NKAIN3: variants seen among roughly 807,000 people sequenced by gnomAD.
NKAIN3 encodes sodium/potassium-transporting ATPase subunit beta-1-interacting protein 3.
NKAIN3 carries 25 observed loss-of-function variants against 30.2 expected under a neutral mutation model. The observed-to-expected ratio is 0.83, with a 90% confidence interval of 0.60 to 1.16. The LOEUF is 1.16. Ranked by LOEUF, NKAIN3 falls within the 50% of genes most tolerant of loss-of-function variation. The probability of loss-of-function intolerance (pLI) is 0.00; values close to 1 mark genes in which losing one functional copy is unlikely to be tolerated. For missense variants in NKAIN3, 225 were observed against 254.1 expected, an observed-to-expected ratio of 0.89 and a Z score of 0.78; for synonymous variants, 91 against 89.6, an observed-to-expected ratio of 1.02 and a Z score of -0.09.
At chr8:62,749,453 G>A (rs537640997) in intron 4 of NKAIN3, among the ~76,000 whole-genome samples, 17 of 152,260 alleles carry the variant, frequency 1.1e-4, no homozygotes, top group African/African-American at 4.1e-4. Flanking sequence ...CAGCCTTTGA[G>A]AAATAAAAGA....
At chr8:62,932,146 A>G (rs1297234676) in intron 5 of NKAIN3, among the ~76,000 whole-genome samples, 1 of 152,238 alleles carries the variant, frequency 6.6e-6, no homozygotes, top group Non-Finnish European at 1.5e-5. Context: ...AGTCCTTAAA[A>G]TATTGTCCTA....
In NKAIN3 at chr8:62,671,721, A is replaced by G. The variant is rs189680210; in HGVS notation, c.274-75211A>G. Reference sequence around the variant, plus strand: ...CAGGCATAGTTTGATTCTTGGGACTAAATTATTACTGGGGTTCTGTCTCTG... The same window carrying G: ...CAGGCATAGTTTGATTCTTGGGACTGAATTATTACTGGGGTTCTGTCTCTG... On this transcript the variant is annotated intron_variant, in intron 3 of 6. Transcript: ENST00000623646. Among the ~76,000 whole-genome samples the G allele has an allele frequency of 2.5e-3, 374 of 152,164 alleles. 2 individuals carry two copies. The highest frequency in any genetic ancestry group is 8.2e-3 in the African/African-American group (339 of 41,528).
chr8:62,406,922 A>G (rs1363019764), intron 1 of NKAIN3, among the ~76,000 whole-genome samples: 3 of 151,952 alleles, frequency 2.0e-5, no homozygotes, highest in Non-Finnish European at 4.4e-5. Flanking sequence ...CAATGTTTCA[A>G]TTTGTTTCAG....
intron 3 of NKAIN3, among the ~76,000 whole-genome samples, chr8:62,621,397 A>G (rs901029622): frequency 2.6e-5 from 4 of 152,076 alleles, no homozygotes; most frequent in Admixed American, 2.6e-4. Context: ...AAATACATTT[A>G]ATTGTTAAGA....
At chr8:62,534,420 G>A (rs973789817) in intron 1 of NKAIN3, among the ~76,000 whole-genome samples, 9 of 152,094 alleles carry the variant, frequency 5.9e-5, no homozygotes, top group Admixed American at 1.3e-4. Context: ...GCCGAACCAC[G>A]AAATCATACC....
intron 1 of NKAIN3, among the ~76,000 whole-genome samples, chr8:62,353,513 G>C (rs1816246646): frequency 2.0e-5 from 3 of 152,060 alleles, no homozygotes; most frequent in African/African-American, 7.2e-5. Context: ...ACAAATATTT[G>C]TTAATGTATG....
chr8:62,438,313 C>G (rs77103556), intron 1 of NKAIN3, among the ~76,000 whole-genome samples: 1,675 of 152,296 alleles, frequency 0.011, 30 homozygotes, highest in African/African-American at 0.038. Context: ...TCTTTGCTTT[C>G]TCTTTGTTTA....
At chr8:62,959,387 G>T (rs968795133) in intron 6 of NKAIN3, among the ~76,000 whole-genome samples, 2 of 150,938 alleles carry the variant, frequency 1.3e-5, no homozygotes, top group African/African-American at 4.9e-5. Context: ...AGGCCATTTT[G>T]CATTTATAGC....
chr8:62,798,137 A>G lies in NKAIN3; in HGVS notation c.471+51008A>G, dbSNP rs111675921. Among the ~76,000 whole-genome samples the G allele has an allele frequency of 6.4e-3, 981 of 152,286 alleles. 9 individuals are homozygous for G. Among genetic ancestry groups the G allele is most frequent in the African/African-American group, 0.022 (920 of 41,570 alleles). On this transcript the variant is annotated intron_variant, in intron 4 of 6. Coordinates refer to ENST00000623646, the MANE Select transcript of NKAIN3 (RefSeq NM_001304533.3). ...GAAGGTGGACCTCAAATCCAAGCAG[A>G]CAATTCCTCATGATGTGAGAAAAGA...
chr8:62,730,615 A>C (rs1294590031), intron 3 of NKAIN3, among the ~76,000 whole-genome samples: 1 of 152,164 alleles, frequency 6.6e-6, no homozygotes, highest in East Asian at 1.9e-4. Flanking sequence ...AAAACTGCTC[A>C]CTAATCTTTG....
At chr8:62,421,927 G>A (rs532133712) in intron 1 of NKAIN3, among the ~76,000 whole-genome samples, 2 of 151,998 alleles carry the variant, frequency 1.3e-5, no homozygotes, top group Non-Finnish European at 2.9e-5. Context: ...TCAAACTCAA[G>A]CCTCCAGGGC....
At chr8:62,850,762 T>G (rs1448711992) in intron 4 of NKAIN3, among the ~76,000 whole-genome samples, 1 of 152,128 alleles carries the variant, frequency 6.6e-6, no homozygotes, top group Admixed American at 6.5e-5. Flanking sequence ...GATCAAATGG[T>G]TGTAGATATG....
chr8:62,618,880 T>C (rs1811542002), intron 3 of NKAIN3, among the ~76,000 whole-genome samples: 1 of 151,700 alleles, frequency 6.6e-6, no homozygotes, highest in Admixed American at 6.6e-5. Flanking sequence ...CACCCCAGCC[T>C]GGGCGACAGA....
intron 5 of NKAIN3, among the ~76,000 whole-genome samples, chr8:62,936,348 G>T (rs1279649759): frequency 6.6e-6 from 1 of 152,132 alleles, no homozygotes; most frequent in African/African-American, 2.4e-5. Flanking sequence ...GGTCTCAGTT[G>T]TCAAGCATGT....
At chr8:62,446,908 C>T (rs925461599) in intron 1 of NKAIN3, among the ~76,000 whole-genome samples, 15 of 152,002 alleles carry the variant, frequency 9.9e-5, no homozygotes, top group African/African-American at 3.4e-4. Context: ...GTGACTAATG[C>T]TGTTAAAAAC....
chr8:62,345,494 CACATATAT>C (rs1815941972), intron 1 of NKAIN3, among the ~76,000 whole-genome samples: 2 of 7,234 alleles, frequency 2.8e-4, no homozygotes, highest in African/African-American at 5.3e-4. Context: ...TATATATACA[CACATATAT>C]ACACATATAT....
chr8:62,987,956 G>C (rs1824237201), downstream of NKAIN3, among the ~76,000 whole-genome samples: 1 of 152,172 alleles, frequency 6.6e-6, no homozygotes, highest in African/African-American at 2.4e-5. Flanking sequence ...GGGGAGTACA[G>C]GCATTGGGTA....
intron 1 of NKAIN3, among the ~76,000 whole-genome samples, chr8:62,315,961 G>A (rs560780121): frequency 3.1e-4 from 47 of 152,294 alleles, no homozygotes; most frequent in Non-Finnish European, 6.3e-4. Flanking sequence ...AACCTGGTGG[G>A]AGTAATTGAA....
intron 4 of NKAIN3, among the ~76,000 whole-genome samples, chr8:62,859,142 G>A (rs1563597550): frequency 2.6e-5 from 4 of 152,228 alleles, no homozygotes; most frequent in South Asian, 4.2e-4. Context: ...TCCCAGGGTC[G>A]CACAATCACT....
Sources: gnomAD v4.1 joint callset for allele counts (sites outside exome capture counted in the v4.1 genomes callset) on GRCh38, gnomAD v4.1.1 for gene constraint, MANE v1.5 for transcripts, NCBI Gene and HGNC (gene_info 2026-07-23, HGNC 2026-07-21) for gene names.